Variants in CDH11 observed in about 807,000 individuals in gnomAD.
CDH11 encodes cadherin 11.
In CDH11, 11 loss-of-function variants were observed where a neutral mutation model predicts 67.8. That is an observed-to-expected ratio of 0.16 (90% CI 0.10 to 0.27). CDH11 has a LOEUF of 0.27. Among genes scored for constraint, CDH11 ranks in the 10% least tolerant of loss-of-function variants. The pLI is 1.00. For synonymous variants in CDH11, 419 were observed against 400.0 expected (o/e 1.05, Z -0.57); for missense variants, 847 against 1,031.2 (o/e 0.82, Z 2.45).
rs139003527 is a variant in CDH11, at chr16:64,944,091, G to C, written c.*3512C>G. 1 of 232,484 alleles carries C rather than the reference G, an allele frequency of 4.3e-6. No homozygotes were observed. The highest frequency in any genetic ancestry group is 8.5e-6 in the Non-Finnish European group (1 of 117,594). 14.4% of individuals were successfully genotyped at this position (232,484 alleles called of 1,614,324 possible). ...GAGTGGAATGACACTGGAGAGGTTC[G>C]CAGGGCCCTGTTCATGTAAAGCAAT... On this transcript the variant is annotated 3_prime_UTR_variant, in exon 13 of 13. Coordinates refer to ENST00000268603, the MANE Select transcript of CDH11 (RefSeq NM_001797.4).
chr16:65,122,136 CG>C (rs1159764403), upstream of CDH11: 6 of 46,986 alleles, frequency 1.3e-4, no homozygotes, highest in African/African-American at 2.2e-4. Context: ...GGGTGCGGGG[CG>C]GGGGGGGCGG....
rs1378250701 is a variant in CDH11, at chr16:65,121,755, A to T, written c.-298+125T>A. 13 of 692,816 alleles carry T rather than the reference A, an allele frequency of 1.9e-5. No individual in the cohort carries two copies. The highest frequency in any genetic ancestry group is 3.4e-5 in the Non-Finnish European group (13 of 381,602). 42.9% of individuals were successfully genotyped at this position (692,816 alleles called of 1,614,324 possible). A position where few individuals can be genotyped will look rare whatever the true frequency, so the allele number is the denominator to read the frequency against. On this transcript the variant is annotated intron_variant, in intron 1 of 12. Coordinates refer to ENST00000268603, the MANE Select transcript of CDH11 (RefSeq NM_001797.4). The surrounding 1 kb of genome is among the most constrained non-coding windows in gnomAD (Gnocchi z 4.1). The stretch of plus-strand genomic sequence containing the variant: ...GCTTTGCGTTAGTGAAGCCTTCTCG[A>T]CTCAGATACCACCGTCCCCCTCACC...
intron 7 of CDH11, chr16:64,984,727 G>A (rs2072443164): frequency 6.6e-6 from 1 of 152,144 alleles, no homozygotes; most frequent in South Asian, 2.1e-4. Context: ...AGGACATAAT[G>A]ATTCGTCAAT....
chr16:65,003,868 T>G (rs1321060244), intron 3 of CDH11, among the ~76,000 whole-genome samples: 1 of 152,192 alleles, frequency 6.6e-6, no homozygotes, highest in Non-Finnish European at 1.5e-5. Flanking sequence ...GACACTGCCC[T>G]TGACACAAAG....
chr16:64,986,501 A>C (rs777299120), intron 7 of CDH11: 2 of 151,970 alleles, frequency 1.3e-5, no homozygotes, highest in African/African-American at 2.4e-5. Context: ...CAACTACCCA[A>C]TTACATGAAC....
At chr16:65,034,999 T>A (rs1300419598) in intron 2 of CDH11, among the ~76,000 whole-genome samples, 2 of 152,210 alleles carry the variant, frequency 1.3e-5, no homozygotes, top group Admixed American at 6.5e-5. Flanking sequence ...AAAGACCTAG[T>A]TATGTTGGAA....
intron 1 of CDH11, among the ~76,000 whole-genome samples, chr16:65,062,538 G>A (rs1392521043): frequency 6.6e-6 from 1 of 152,156 alleles, no homozygotes; most frequent in Non-Finnish European, 1.5e-5. Context: ...TACTCAGAAA[G>A]AAACAAAATC....
intron 2 of CDH11, among the ~76,000 whole-genome samples, chr16:65,036,073 A>G (rs1428301960): frequency 6.6e-6 from 1 of 151,992 alleles, no homozygotes; most frequent in Non-Finnish European, 1.5e-5. Flanking sequence ...TATGCTAAGC[A>G]CTCTACATAC....
At chr16:64,983,083 A>G (rs1377039779) in intron 7 of CDH11, 1 of 151,900 alleles carries the variant, frequency 6.6e-6, no homozygotes, top group African/African-American at 2.4e-5. Context: ...GTTACCTTCT[A>G]TTTTTGGCAA....
intron 2 of CDH11, among the ~76,000 whole-genome samples, chr16:65,021,549 T>C (rs554291152): frequency 1.2e-4 from 14 of 118,008 alleles, no homozygotes; most frequent in African/African-American, 4.6e-4. Flanking sequence ...ATAAAAGCCA[T>C]TTAAATACAC....
At chr16:65,061,421 G>T (rs963824766) in intron 1 of CDH11, among the ~76,000 whole-genome samples, 7 of 152,158 alleles carry the variant, frequency 4.6e-5, no homozygotes, top group Admixed American at 6.5e-5. Flanking sequence ...TTCAAGGACT[G>T]TAATAATGTA....
intron 2 of CDH11, among the ~76,000 whole-genome samples, chr16:65,033,718 C>G (rs985136677): frequency 8.5e-6 from 1 of 116,992 alleles, no homozygotes; most frequent in Admixed American, 1.0e-4. Context: ...GCCTGGGCAA[C>G]AGAGTGAGAC....
chr16:65,102,605 C>G (rs2075010881), intron 1 of CDH11, among the ~76,000 whole-genome samples: 1 of 152,178 alleles, frequency 6.6e-6, no homozygotes, highest in Non-Finnish European at 1.5e-5. Context: ...CGATTTTTGT[C>G]CTTTGGAAAC....
chr16:64,952,577 T>C (rs1226295714), intron 11 of CDH11, among the ~76,000 whole-genome samples: 1 of 152,206 alleles, frequency 6.6e-6, no homozygotes. Context: ...TAAGATTTAT[T>C]TTCTAGTGGG....
chr16:65,110,516 G>A (rs886352939), intron 1 of CDH11, among the ~76,000 whole-genome samples: 9 of 152,048 alleles, frequency 5.9e-5, no homozygotes, highest in East Asian at 1.9e-4. Context: ...GGTTGTCCCC[G>A]CTGGACATGG....
At chr16:64,983,558 C>G (rs2072410798) in intron 7 of CDH11, among the ~76,000 whole-genome samples, 1 of 152,158 alleles carries the variant, frequency 6.6e-6, no homozygotes. Context: ...TTGCAGTACT[C>G]TACACTAAAG....
intron 7 of CDH11, chr16:64,982,566 A>G: frequency 5.6e-6 from 2 of 356,740 alleles, no homozygotes; most frequent in Non-Finnish European, 1.0e-5. Context: ...CTATATAGCA[A>G]CACTAATGTT....
intron 1 of CDH11, among the ~76,000 whole-genome samples, chr16:65,099,507 G>C (rs1440001982): frequency 6.6e-6 from 1 of 152,144 alleles, no homozygotes; most frequent in Non-Finnish European, 1.5e-5. Context: ...TCCTGATAGA[G>C]TGGCAGAAAG....
intron 12 of CDH11, 106 bp from the exon 13 acceptor site, chr16:64,948,205 G>C (rs1296928646): frequency 7.1e-7 from 1 of 1,400,632 alleles, no homozygotes; most frequent in Non-Finnish European, 9.6e-7. Context: ...TAAATGCTCA[G>C]AACAGGAAAC....
Sources: gnomAD v4.1 joint callset for allele counts (sites outside exome capture counted in the v4.1 genomes callset) on GRCh38, gnomAD v4.1.1 for gene constraint, Gnocchi (gnomAD v3.1) non-coding constraint, MANE v1.5 for transcripts, NCBI Gene and HGNC (gene_info 2026-07-23, HGNC 2026-07-21) for gene names.